The following TRAK1 variants were observed in gnomAD, a reference collection of about 807,000 sequenced individuals.
TRAK1 encodes the protein trafficking kinesin protein 1.
A neutral mutation model predicts 92.1 loss-of-function variants in TRAK1; 33 were observed. That is an observed-to-expected ratio of 0.36 (90% CI 0.27 to 0.48). The LOEUF is 0.48. Among genes scored for constraint, TRAK1 ranks in the 20% least tolerant of loss-of-function variants. TRAK1 has a pLI of 0.99. For missense variants in TRAK1, 1,123 were observed against 1,257.9 expected, an observed-to-expected ratio of 0.89 and a Z score of 1.62; for synonymous variants, 521 against 517.3, an observed-to-expected ratio of 1.01 and a Z score of -0.10.
At chr3:42,190,223 G>A (rs1294354946) in intron 6 of TRAK1, among the ~76,000 whole-genome samples, 2 of 152,060 alleles carry the variant, frequency 1.3e-5, no homozygotes, top group South Asian at 2.1e-4. Context: ...GGTACAGTAC[G>A]GCCCTGTTTA....
At position 42,079,474 on chromosome 3, in the gene TRAK1, C is replaced by CTTTTT. The variant is rs374173062; in HGVS notation, c.-518-7628_-518-7627insTTTTT. 2.1e-3 allele frequency among the ~76,000 whole-genome samples: 286 copies of CTTTTT among 133,910 alleles called. 6 individuals are homozygous for CTTTTT. Among genetic ancestry groups the CTTTTT allele is most frequent in the African/African-American group, 3.5e-3 (128 of 36,556 alleles). 87.9% of individuals were successfully genotyped at this position (133,910 alleles called of 152,430 possible). On this transcript the variant is annotated intron_variant, in intron 1 of 16. Transcript: ENST00000487159. The stretch of plus-strand genomic sequence containing the variant: ...GAGTTTGTCGTGAAGGAAGCTCCTT[C>CTTTTT]TTCTTTTTTTTTTTTTTTTGTTTTG...
At chr3:42,182,094 C>T (rs1466597452) in intron 3 of TRAK1, among the ~76,000 whole-genome samples, 1 of 151,700 alleles carries the variant, frequency 6.6e-6, no homozygotes, top group African/African-American at 2.4e-5. Context: ...TGAGCCACTG[C>T]ACCCGGCCAA....
chr3:42,193,169 A>C lies in TRAK1; in HGVS notation c.864A>C (p.Leu288=), dbSNP rs771043162. Reference sequence around the variant, plus strand: ...AGCAAGAGGAGATCACACACCTGCTATCGCAAATAGTTGATTTGCAGAAAA... The same window carrying C: ...AGCAAGAGGAGATCACACACCTGCTCTCGCAAATAGTTGATTTGCAGAAAA... ...ARQQEEITHL[L]SQIVDLQKKA... is the part of the protein sequence containing the mutation. Residue 288 remains leucine, a synonymous_variant, in exon 8 of 16, where the codon CTA becomes CTC. Transcript: ENST00000327628. 1.2e-6 allele frequency: 2 copies of C among 1,614,226 alleles called. No individual in the cohort carries two copies. The highest frequency in any genetic ancestry group is 2.2e-5 in the South Asian group (2 of 91,086).
chr3:42,018,410 T>C (rs998592891), intron 1 of TRAK1, among the ~76,000 whole-genome samples: 1 of 152,052 alleles, frequency 6.6e-6, no homozygotes, highest in Non-Finnish European at 1.5e-5. Context: ...ATTTCTAGGG[T>C]CTCCTCTAGT....
rs1263828347 is a variant in TRAK1, at chr3:42,223,005, C to G, written c.2130C>G (p.Ala710=). 3 of 1,614,044 alleles carry G rather than the reference C, an allele frequency of 1.9e-6. No homozygotes were observed. The highest frequency in any genetic ancestry group is 2.7e-5 in the African/African-American group (2 of 74,930). Residue 710 remains alanine (A), a synonymous_variant, in exon 16 of 16, where the codon GCC becomes GCG. Transcript: ENST00000327628. The surrounding 1 kb of genome is among the most constrained non-coding windows in gnomAD (Gnocchi z 6.1). ...STSHLKSTPV[A]TPCTPRRLSL... ...GCCACTTGAAATCCACGCCGGTGGC[C>G]ACACCATGCACTCCACGGAGACTGA... is the stretch of plus-strand genomic sequence containing the variant.
rs535435340 is a variant in TRAK1, at chr3:42,112,205, G to A, written c.92-13215G>A. On this transcript the variant is annotated intron_variant, in intron 1 of 15. Coordinates refer to ENST00000327628, the MANE Select transcript of TRAK1 (RefSeq NM_001042646.3). ...CGCCCAGGCTGGAGTGCAATGGCGC[G>A]ATCTCGGCTCATTGCAACCTCCGCC... 1.1e-4 allele frequency among the ~76,000 whole-genome samples: 15 copies of A among 136,852 alleles called. No individual in the cohort carries two copies. In the South Asian group the frequency reaches 3.0e-3, roughly 27 times the overall value. 89.8% of individuals were successfully genotyped at this position (136,852 alleles called of 152,430 possible).
At chr3:42,097,499 T>C (rs1576330309) in intron 1 of TRAK1, among the ~76,000 whole-genome samples, 1 of 152,348 alleles carries the variant, frequency 6.6e-6, no homozygotes, top group East Asian at 1.9e-4. Context: ...GCCCCTGATC[T>C]TGATTTACGT....
At chr3:42,037,593 C>A (rs1702372957) in intron 1 of TRAK1, among the ~76,000 whole-genome samples, 1 of 152,248 alleles carries the variant, frequency 6.6e-6, no homozygotes. Context: ...CTGACAGTTT[C>A]TGTGGCAGAG....
intron 1 of TRAK1, among the ~76,000 whole-genome samples, chr3:42,110,132 A>ATATATATATATATATATATATATAC (rs58099544): frequency 7.8e-6 from 1 of 128,230 alleles, no homozygotes; most frequent in Non-Finnish European, 1.7e-5. Flanking sequence ...ATATATATAT[A>ATATATATATATATATATATATATAC]AACTTTGTGT....
intron 1 of TRAK1, among the ~76,000 whole-genome samples, chr3:42,102,278 G>A (rs1033178045): frequency 2.0e-5 from 3 of 152,168 alleles, no homozygotes; most frequent in Non-Finnish European, 2.9e-5. Flanking sequence ...AAGCCACCGC[G>A]CCCAGCCAAA....
intron 14 of TRAK1, among the ~76,000 whole-genome samples, chr3:42,214,576 A>G (rs535648725): frequency 1.3e-5 from 2 of 152,366 alleles, no homozygotes; most frequent in African/African-American, 4.8e-5. Context: ...CAATGCTGTG[A>G]AATTGTTTAT....
chr3:42,121,944 A>G (rs927428695), intron 1 of TRAK1, among the ~76,000 whole-genome samples: 2 of 152,028 alleles, frequency 1.3e-5, no homozygotes, highest in African/African-American at 2.4e-5. Context: ...CAGCCTCCTG[A>G]GTAGCTGGGA....
chr3:42,096,675 A>G (rs1166385830), intron 1 of TRAK1, among the ~76,000 whole-genome samples: 1 of 152,258 alleles, frequency 6.6e-6, no homozygotes, highest in Non-Finnish European at 1.5e-5. Flanking sequence ...ATTAGAACAC[A>G]TAATGAGCAA....
chr3:42,198,152 C>T (rs1019859878), intron 10 of TRAK1, among the ~76,000 whole-genome samples: 1 of 152,206 alleles, frequency 6.6e-6, no homozygotes. Flanking sequence ...TCTGCACACA[C>T]TTGGTCCTGT....
Position 42,079,474 on chromosome 3 carries a change from C to CTTTTTTTTTTTTTTTT in TRAK1, c.-518-7628_-518-7627insTTTTTTTTTTTTTTTT, listed in dbSNP as rs374173062. Among the ~76,000 whole-genome samples the CTTTTTTTTTTTTTTTT allele has an allele frequency of 3.7e-5, 5 of 133,944 alleles. 1 individual carries two copies. Among genetic ancestry groups the CTTTTTTTTTTTTTTTT allele is most frequent in the Non-Finnish European group, 6.3e-5 (4 of 63,780 alleles). 87.9% of individuals were successfully genotyped at this position (133,944 alleles called of 152,430 possible). The stretch of plus-strand genomic sequence containing the variant: ...GAGTTTGTCGTGAAGGAAGCTCCTT[C>CTTTTTTTTTTTTTTTT]TTCTTTTTTTTTTTTTTTTGTTTTG... On this transcript the variant is annotated intron_variant, in intron 1 of 16. Transcript: ENST00000487159.
intron 1 of TRAK1, among the ~76,000 whole-genome samples, chr3:42,075,265 T>C (rs9861303): frequency 0.45 from 64,464 of 144,276 alleles, 14,814 homozygotes; most frequent in Admixed American, 0.57. Context: ...TGCTTGAACA[T>C]GGGAAGGGGA....
chr3:42,024,090 G>C (rs1333464664), intron 1 of TRAK1, among the ~76,000 whole-genome samples: 1 of 152,074 alleles, frequency 6.6e-6, no homozygotes, highest in African/African-American at 2.4e-5. Flanking sequence ...GTTTAGGGCA[G>C]TGGGACGTCT....
chr3:42,208,337 G>T (rs577714006), intron 13 of TRAK1, among the ~76,000 whole-genome samples: 79 of 152,170 alleles, frequency 5.2e-4, no homozygotes, highest in Middle Eastern at 3.4e-3. Flanking sequence ...GAGTGGATTT[G>T]AAATTGTTCA....
chr3:42,179,523 T>C (rs1703706216), intron 3 of TRAK1, among the ~76,000 whole-genome samples: 5 of 152,182 alleles, frequency 3.3e-5, no homozygotes, highest in Admixed American at 2.6e-4. Flanking sequence ...TCCTCCTCGG[T>C]TACAGAGAGG....
Sources: gnomAD v4.1 joint callset for allele counts (sites outside exome capture counted in the v4.1 genomes callset) on GRCh38, gnomAD v4.1.1 for gene constraint, Gnocchi (gnomAD v3.1) non-coding constraint, MANE v1.5 for transcripts, NCBI Gene and HGNC (gene_info 2026-07-23, HGNC 2026-07-21) for gene names.